The following TNIK variants were observed in gnomAD, a reference collection of about 807,000 sequenced individuals.
TNIK encodes the protein TRAF2 and NCK interacting kinase, also known as TRAF2 and NCK-interacting protein kinase.
A neutral mutation model predicts 191.3 loss-of-function variants in TNIK; 49 were observed. That is an observed-to-expected ratio of 0.26 (90% CI 0.20 to 0.32). TNIK has a LOEUF of 0.32. Among genes scored for constraint, TNIK ranks in the 10% least tolerant of loss-of-function variants. The probability of loss-of-function intolerance (pLI) is 1.00; values close to 1 mark genes in which losing one functional copy is unlikely to be tolerated. For synonymous variants in TNIK, 594 were observed against 600.9 expected, an observed-to-expected ratio of 0.99 and a Z score of 0.17; for missense variants, 1,155 against 1,702.3, an observed-to-expected ratio of 0.68 and a Z score of 5.66.
chr3:171,252,550 T>C (rs1453652642), intron 2 of TNIK, among the ~76,000 whole-genome samples: 2 of 152,238 alleles, frequency 1.3e-5, no homozygotes, highest in Non-Finnish European at 2.9e-5. Context: ...CATATTAAAA[T>C]ATAGCTGTGC....
In TNIK at chr3:171,415,047, C is replaced by G. The variant is rs528583898; in HGVS notation, c.57+44960G>C. Among the ~76,000 whole-genome samples, 46 of 152,306 alleles carry G rather than the reference C, an allele frequency of 3.0e-4. No individual in the cohort carries two copies. The South Asian group carries it at 9.5e-3, about 32-fold the overall frequency. ...CCAGTTTTCTACCAGGCTCCCCCTT[C>G]CTTACTGCCCTCCAGTTGCCCAACC... On this transcript the variant is annotated intron_variant, in intron 1 of 32. Coordinates refer to ENST00000436636, the MANE Select transcript of TNIK (RefSeq NM_015028.4).
chr3:171,423,809 T>A (rs1724161882), intron 1 of TNIK, among the ~76,000 whole-genome samples: 1 of 152,208 alleles, frequency 6.6e-6, no homozygotes, highest in African/African-American at 2.4e-5. Context: ...GACCCCTTCC[T>A]TACACCTTAT....
chr3:171,252,672 C>CTTTGACATTCACAATGTTAACTT (rs1402486692), intron 2 of TNIK, among the ~76,000 whole-genome samples: 2 of 152,130 alleles, frequency 1.3e-5, no homozygotes. Flanking sequence ...AGCATTGGTT[C>CTTTGACATTCACAATGTTAACTT]TTTGACATTC....
chr3:171,368,704 T>A (rs1016399075), intron 2 of TNIK, among the ~76,000 whole-genome samples: 1 of 152,164 alleles, frequency 6.6e-6, no homozygotes, highest in Non-Finnish European at 1.5e-5. Context: ...ATGATTTCTA[T>A]AATAAATTTA....
rs140598243 is a variant in TNIK at position 171,099,404 on chromosome 3, T to C, written c.2591+2045A>G. 3.0e-3 allele frequency among the ~76,000 whole-genome samples: 449 copies of C among 151,930 alleles called. 4 individuals carry two copies. The highest frequency in any genetic ancestry group is 9.1e-3 in the African/African-American group (375 of 41,324). ...TTTTTTTTTTAATCTTGCTGACAGT[T>C]ATTTGTATAGAATTGGCTATACACT... On this transcript the variant is annotated intron_variant, in intron 22 of 32. Transcript: ENST00000436636.
At chr3:171,166,281 C>T (rs1734610417) in intron 10 of TNIK, among the ~76,000 whole-genome samples, 1 of 152,242 alleles carries the variant, frequency 6.6e-6, no homozygotes, top group Admixed American at 6.5e-5. Context: ...AAAATGCACT[C>T]CCCTTACCCA....
intron 3 of TNIK, among the ~76,000 whole-genome samples, chr3:171,219,762 G>A (rs914703861): frequency 6.6e-6 from 1 of 152,110 alleles, no homozygotes; most frequent in African/African-American, 2.4e-5. Flanking sequence ...GAGAGGATGT[G>A]GAGAAACAAG....
intron 1 of TNIK, among the ~76,000 whole-genome samples, chr3:171,402,563 T>G (rs1179504457): frequency 6.6e-6 from 1 of 152,184 alleles, no homozygotes; most frequent in Non-Finnish European, 1.5e-5. Context: ...TGAAAATTTT[T>G]TCCTTCATAG....
intron 28 of TNIK, among the ~76,000 whole-genome samples, chr3:171,076,526 G>A (rs1186810739): frequency 6.6e-6 from 1 of 152,106 alleles, no homozygotes; most frequent in Non-Finnish European, 1.5e-5. Flanking sequence ...TGAACTGAAG[G>A]TGTCTAAAGT....
chr3:171,071,187 A>T (rs555645066), intron 29 of TNIK, 36 bp downstream of exon 29: 5 of 1,526,528 alleles, frequency 3.3e-6, no homozygotes, highest in East Asian at 4.7e-5. Flanking sequence ...GAAAATTTTT[A>T]AAAAGCACAT....
At chr3:171,075,980 C>T (rs1188822911) in intron 28 of TNIK, among the ~76,000 whole-genome samples, 6 of 152,332 alleles carry the variant, frequency 3.9e-5, no homozygotes, top group East Asian at 3.9e-4. Flanking sequence ...TCACGATCCA[C>T]GTGCTTTGGC....
At chr3:171,281,205 C>T (rs1750389663) in intron 2 of TNIK, among the ~76,000 whole-genome samples, 1 of 151,978 alleles carries the variant, frequency 6.6e-6, no homozygotes, top group South Asian at 2.1e-4. Context: ...AAATGGCAGT[C>T]TGAAGGTAAA....
At chr3:171,183,152 T>A (rs1163244726) in intron 7 of TNIK, among the ~76,000 whole-genome samples, 2 of 152,174 alleles carry the variant, frequency 1.3e-5, no homozygotes, top group African/African-American at 4.8e-5. Context: ...ACAGGGACCA[T>A]GCAGGCATAA....
At chr3:171,391,087 A>G (rs538441717) in intron 1 of TNIK, among the ~76,000 whole-genome samples, 5 of 152,316 alleles carry the variant, frequency 3.3e-5, no homozygotes, top group African/African-American at 9.6e-5. Context: ...CTTTTCCAGT[A>G]CTAATTAACA....
intron 27 of TNIK, 55 bp downstream of exon 27, chr3:171,082,196 G>A: frequency 6.3e-7 from 1 of 1,581,980 alleles, no homozygotes; most frequent in Non-Finnish European, 8.6e-7. Context: ...CAGAAATGAG[G>A]TGGATCCCTT....
At chr3:171,341,073 A>C (rs1015447914) in intron 2 of TNIK, among the ~76,000 whole-genome samples, 8 of 152,212 alleles carry the variant, frequency 5.3e-5, no homozygotes, top group African/African-American at 1.9e-4. Context: ...GCTTATGGCT[A>C]TTAATGCAGT....
At chr3:171,332,090 A>C (rs577688768) in intron 2 of TNIK, among the ~76,000 whole-genome samples, 1 of 152,330 alleles carries the variant, frequency 6.6e-6, no homozygotes, top group African/African-American at 2.4e-5. Context: ...GGAAAAGTAT[A>C]GAGAAGACGG....
At chr3:171,401,272 T>C (rs1720920426) in intron 1 of TNIK, among the ~76,000 whole-genome samples, 1 of 152,094 alleles carries the variant, frequency 6.6e-6, no homozygotes, top group South Asian at 2.1e-4. Flanking sequence ...CATCAGAATC[T>C]CCTGTGGCAA....
intron 24 of TNIK, 39 bp downstream of exon 24, chr3:171,087,303 A>G: frequency 1.9e-6 from 3 of 1,610,742 alleles, no homozygotes; most frequent in Non-Finnish European, 2.5e-6. Context: ...CCCAGGAAGG[A>G]CAGCAGAACT....
Sources: gnomAD v4.1 joint callset for allele counts (sites outside exome capture counted in the v4.1 genomes callset) on GRCh38, gnomAD v4.1.1 for gene constraint, MANE v1.5 for transcripts, NCBI Gene and HGNC (gene_info 2026-07-23, HGNC 2026-07-21) for gene names.